PPFIA2: variants seen among roughly 807,000 people sequenced by gnomAD.
PPFIA2 encodes the protein PPFI scaffold protein A2, also known as liprin-alpha-2.
PPFIA2 carries 46 observed loss-of-function variants against 175.5 expected under a neutral mutation model. The ratio of observed to expected loss-of-function variants is 0.26; its 90% CI spans 0.21 to 0.34. The LOEUF is 0.34. Ranked by LOEUF, PPFIA2 falls within the 10% of genes least tolerant of loss-of-function variation. The pLI is 1.00. For synonymous variants in PPFIA2, 568 were observed against 511.4 expected, an observed-to-expected ratio of 1.11 and a Z score of -1.49; for missense variants, 1,179 against 1,506.1, an observed-to-expected ratio of 0.78 and a Z score of 3.60.
intron 4 of PPFIA2, among the ~76,000 whole-genome samples, chr12:81,590,750 T>C (rs999585007): frequency 1.3e-5 from 2 of 152,158 alleles, no homozygotes; most frequent in African/African-American, 4.8e-5. Context: ...CTATTTAAGA[T>C]GTCATTTGCT....
intron 22 of PPFIA2, among the ~76,000 whole-genome samples, chr12:81,308,600 G>T (rs892966564): frequency 6.6e-6 from 1 of 152,088 alleles, no homozygotes; most frequent in African/African-American, 2.4e-5. Flanking sequence ...TAAAATAATG[G>T]TCCCCTACTT....
intron 4 of PPFIA2, among the ~76,000 whole-genome samples, chr12:81,583,815 T>C (rs746525801): frequency 3.9e-5 from 6 of 151,976 alleles, no homozygotes; most frequent in Non-Finnish European, 8.8e-5. Context: ...TTCTAGGGAA[T>C]GTCTGCCATG....
At chr12:81,368,519 A>G (rs1356769978) in intron 13 of PPFIA2, among the ~76,000 whole-genome samples, 1 of 151,794 alleles carries the variant, frequency 6.6e-6, no homozygotes, top group Non-Finnish European at 1.5e-5. Flanking sequence ...TAAAAGATTT[A>G]TATATCATGC....
intron 18 of PPFIA2, among the ~76,000 whole-genome samples, chr12:81,345,586 T>A (rs547491775): frequency 1.3e-5 from 2 of 152,188 alleles, no homozygotes; most frequent in East Asian, 3.9e-4. Flanking sequence ...ATGCTTATGT[T>A]TATAAAAAGA....
At chr12:81,388,924 C>G (rs558859881) in intron 8 of PPFIA2, among the ~76,000 whole-genome samples, 1 of 151,286 alleles carries the variant, frequency 6.6e-6, no homozygotes, top group Admixed American at 6.6e-5. Flanking sequence ...AGGCATGTAC[C>G]AAGCAGGTAC....
rs940175084 is a variant in PPFIA2 at position 81,686,793 on chromosome 12, T to C, written c.250-9949A>G. On this transcript the variant is annotated intron_variant, in intron 3 of 32. Transcript: ENST00000549396. The stretch of plus-strand genomic sequence containing the variant: ...AATCCAGTCTAGTTTTCCTTGTAAA[T>C]ATCTGCTTAGTTGATTGCCTTCTTT... Among the ~76,000 whole-genome samples the C allele has an allele frequency of 2.0e-5, 3 of 152,122 alleles. No homozygotes were observed. In the South Asian group the frequency reaches 6.2e-4, roughly 32 times the overall value.
At chr12:81,550,300 G>A (rs895663569) in intron 4 of PPFIA2, among the ~76,000 whole-genome samples, 2 of 151,952 alleles carry the variant, frequency 1.3e-5, no homozygotes, top group African/African-American at 4.8e-5. Context: ...GGAAACATCT[G>A]AGCTAAGACT....
At chr12:81,311,724 C>T (rs2050887798) in intron 22 of PPFIA2, among the ~76,000 whole-genome samples, 1 of 122,164 alleles carries the variant, frequency 8.2e-6, no homozygotes, top group East Asian at 2.5e-4. Context: ...CATAGCAAGA[C>T]TCTGTCTCAA....
At chr12:81,744,685 C>T (rs1252650663) in intron 3 of PPFIA2, among the ~76,000 whole-genome samples, 1 of 152,194 alleles carries the variant, frequency 6.6e-6, no homozygotes, top group Non-Finnish European at 1.5e-5. Flanking sequence ...CTTGGCCTCC[C>T]AAAGTGCTGG....
At chr12:81,415,834 A>T (rs1460973493) in intron 7 of PPFIA2, among the ~76,000 whole-genome samples, 1 of 151,434 alleles carries the variant, frequency 6.6e-6, no homozygotes, top group Non-Finnish European at 1.5e-5. Context: ...ATACTTTGTC[A>T]TTGTTATTAA....
At chr12:81,330,810 A>C (rs541281352) in intron 21 of PPFIA2, among the ~76,000 whole-genome samples, 2 of 152,302 alleles carry the variant, frequency 1.3e-5, no homozygotes, top group East Asian at 3.9e-4. Flanking sequence ...ATTAAAACAC[A>C]TTTGAATTTA....
intron 4 of PPFIA2, among the ~76,000 whole-genome samples, chr12:81,529,092 C>T (rs1189039525): frequency 1.3e-5 from 2 of 152,002 alleles, no homozygotes; most frequent in Non-Finnish European, 2.9e-5. Flanking sequence ...ATGCAACTAG[C>T]ATGACTTCAT....
intron 3 of PPFIA2, among the ~76,000 whole-genome samples, chr12:81,689,148 A>T (rs1243327315): frequency 6.6e-6 from 1 of 151,958 alleles, no homozygotes; most frequent in East Asian, 1.9e-4. Flanking sequence ...AATTAGCAAC[A>T]CTATCCAAAA....
intron 7 of PPFIA2, among the ~76,000 whole-genome samples, chr12:81,415,241 ATATATATATATATAT>A (rs2044981098): frequency 1.0e-5 from 1 of 97,380 alleles, no homozygotes; most frequent in African/African-American, 3.7e-5. Flanking sequence ...ATATATATAT[ATATATATATATATAT>A]ATGTTTGTAA....
intron 4 of PPFIA2, among the ~76,000 whole-genome samples, chr12:81,673,945 A>G (rs754311229): frequency 3.3e-5 from 5 of 152,048 alleles, no homozygotes; most frequent in Non-Finnish European, 5.9e-5. Flanking sequence ...AATCTATTTA[A>G]CACTTATTGT....
At chr12:81,637,629 G>C (rs2064283049) in intron 4 of PPFIA2, among the ~76,000 whole-genome samples, 1 of 152,018 alleles carries the variant, frequency 6.6e-6, no homozygotes, top group Admixed American at 6.6e-5. Context: ...AGCCTTCTAA[G>C]GGTAGGAATC....
At chr12:81,316,739 G>A (rs952367182) in intron 22 of PPFIA2, among the ~76,000 whole-genome samples, 1 of 151,378 alleles carries the variant, frequency 6.6e-6, no homozygotes, top group Admixed American at 6.6e-5. Flanking sequence ...TTCTCTAGAG[G>A]AAAAAAATAT....
At chr12:81,356,211 T>C (rs866508801) in intron 16 of PPFIA2, among the ~76,000 whole-genome samples, 1 of 152,110 alleles carries the variant, frequency 6.6e-6, no homozygotes, top group African/African-American at 2.4e-5. Flanking sequence ...CAGTGGGAAA[T>C]GGCTGTTGGA....
chr12:81,505,043 A>C (rs2060999548), intron 4 of PPFIA2, among the ~76,000 whole-genome samples: 1 of 152,132 alleles, frequency 6.6e-6, no homozygotes, highest in Non-Finnish European at 1.5e-5. Flanking sequence ...TACCTAATGT[A>C]GATAACGGGT....
Sources: allele counts gnomAD v4.1 joint callset (sites outside exome capture counted in the v4.1 genomes callset), GRCh38; gene constraint gnomAD v4.1.1; transcripts MANE v1.5; gene names NCBI Gene and HGNC (gene_info 2026-07-23, HGNC 2026-07-21).